RBPJ: variants seen among roughly 807,000 people sequenced by gnomAD.
RBPJ encodes the protein recombining binding protein suppressor of hairless.
A neutral mutation model predicts 67.8 loss-of-function variants in RBPJ; 9 were observed. The observed-to-expected ratio is 0.13, with a 90% CI of 0.08 to 0.23. RBPJ has a LOEUF of 0.23. Among genes scored for constraint, RBPJ ranks in the 10% least tolerant of loss-of-function variants. The pLI is 1.00. For synonymous variants in RBPJ, 198 were observed against 203.3 expected (o/e 0.97, Z 0.22); for missense variants, 305 against 595.6 (o/e 0.51, Z 5.08).
At chr4:26,348,693 A>AT (rs1726444848) in intron 1 of RBPJ, among the ~76,000 whole-genome samples, 1 of 151,808 alleles carries the variant, frequency 6.6e-6, no homozygotes, top group Non-Finnish European at 1.5e-5. Context: ...TTGTTTTTTG[A>AT]TTTTTGTTTT....
upstream of RBPJ, among the ~76,000 whole-genome samples, chr4:26,317,422 C>G (rs1722690469): frequency 6.6e-6 from 1 of 152,002 alleles, no homozygotes; most frequent in Non-Finnish European, 1.5e-5. Context: ...TGAGAGCCCA[C>G]AGAGTGAGAG....
rs184339906 is a variant in RBPJ, at chr4:26,382,036, T to C, written c.21-4317T>C. Among the ~76,000 whole-genome samples the C allele has an allele frequency of 4.3e-3, 656 of 152,278 alleles. 5 individuals carry two copies. The highest frequency in any genetic ancestry group is 0.015 in the African/African-American group (634 of 41,560). ...AAAAGGGCCCCTAGACACATAAGGA[T>C]TGATTTTTTTTCCCATTGTTAAATA... On this transcript the variant is annotated intron_variant, in intron 1 of 10. Transcript: ENST00000355476.
At chr4:26,320,263 T>C (rs1722876342), upstream of RBPJ, among the ~76,000 whole-genome samples, 1 of 152,190 alleles carries the variant, frequency 6.6e-6, no homozygotes, top group East Asian at 1.9e-4. Flanking sequence ...AGGTGGCCAT[T>C]AGGGGTGTCT....
At chr4:26,314,388 G>C (rs1384060140) in intron 1 of RBPJ, among the ~76,000 whole-genome samples, 1 of 152,164 alleles carries the variant, frequency 6.6e-6, no homozygotes, top group Non-Finnish European at 1.5e-5. Context: ...AGGATGAACA[G>C]GTAGTGACAA....
At chr4:26,217,271 G>A (rs1479253858) in intron 1 of RBPJ, among the ~76,000 whole-genome samples, 1 of 152,164 alleles carries the variant, frequency 6.6e-6, no homozygotes, top group East Asian at 1.9e-4. Context: ...CTGAAAGGCT[G>A]CAAGATGATT....
At chr4:26,233,819 G>A (rs1342139867) in intron 1 of RBPJ, among the ~76,000 whole-genome samples, 1 of 152,178 alleles carries the variant, frequency 6.6e-6, no homozygotes, top group Non-Finnish European at 1.5e-5. Flanking sequence ...AAAAATCAAA[G>A]AGGAACAAGT....
chr4:26,262,463 A>G (rs1334633149), intron 1 of RBPJ, among the ~76,000 whole-genome samples: 1 of 152,188 alleles, frequency 6.6e-6, no homozygotes, highest in Non-Finnish European at 1.5e-5. Flanking sequence ...TCAAAAATTC[A>G]AAATAGAGGT....
the RBPJ span, among the ~76,000 whole-genome samples, chr4:26,108,164 G>C: frequency 4.9e-4 from 74 of 152,262 alleles, 1 homozygote; most frequent in Admixed American, 3.6e-3. Context: ...AGTAGGAGGT[G>C]GTTTTGAAGA....
chr4:26,158,121 C>T, the RBPJ span, among the ~76,000 whole-genome samples: 1 of 152,188 alleles, frequency 6.6e-6, no homozygotes, highest in African/African-American at 2.4e-5. Flanking sequence ...TGGGTGGCTG[C>T]TTGGTTCATA....
chr4:26,320,772 G>C, upstream of RBPJ: 1 of 1,554,684 alleles, frequency 6.4e-7, no homozygotes, highest in Non-Finnish European at 8.7e-7. Flanking sequence ...CCACACGGAG[G>C]GCTCGCCCGC....
intron 1 of RBPJ, among the ~76,000 whole-genome samples, chr4:26,287,275 C>T (rs984183020): frequency 9.2e-5 from 14 of 151,972 alleles, no homozygotes; most frequent in African/African-American, 3.1e-4. Flanking sequence ...CACAGTGGTT[C>T]GTGCCTGTAA....
rs565102963 is a variant in RBPJ, at chr4:26,401,547, G to A, written c.60-4628G>A. 1.6e-4 allele frequency among the ~76,000 whole-genome samples: 24 copies of A among 152,158 alleles called. No individual in the cohort carries two copies. The South Asian group carries it at 1.7e-3, about 11-fold the overall frequency. On this transcript the variant is annotated intron_variant, in intron 2 of 10. Coordinates refer to ENST00000355476, the MANE Select transcript of RBPJ (RefSeq NM_015874.6). ...TGTAGAAAGCATTTGTGACTGCCTC[G>A]GATATTATCAAATACCAAGTTTGTG...
At chr4:26,371,699 AT>A (rs1729177020) in intron 1 of RBPJ, among the ~76,000 whole-genome samples, 1 of 152,230 alleles carries the variant, frequency 6.6e-6, no homozygotes, top group Non-Finnish European at 1.5e-5. Flanking sequence ...AAATTGGAAT[AT>A]TACAGTATTT....
intron 1 of RBPJ, among the ~76,000 whole-genome samples, chr4:26,355,423 G>A (rs1464076175): frequency 6.6e-6 from 1 of 151,176 alleles, no homozygotes; most frequent in Non-Finnish European, 1.5e-5. Flanking sequence ...GGCCAAGGTA[G>A]GATTGCATGT....
At chr4:26,318,051 C>T (rs1044664094), upstream of RBPJ, among the ~76,000 whole-genome samples, 1 of 152,106 alleles carries the variant, frequency 6.6e-6, no homozygotes, top group Non-Finnish European at 1.5e-5. Flanking sequence ...CAGACTTGCA[C>T]TGAGATATTG....
chr4:26,206,438 A>G (rs1388222466), intron 1 of RBPJ, among the ~76,000 whole-genome samples: 4 of 152,148 alleles, frequency 2.6e-5, no homozygotes, highest in Non-Finnish European at 4.4e-5. Flanking sequence ...CCGAGAGTTT[A>G]TGTGTAACTT....
the RBPJ span, among the ~76,000 whole-genome samples, chr4:26,109,103 CTTT>C: frequency 1.5e-5 from 2 of 130,040 alleles, no homozygotes; most frequent in Non-Finnish European, 3.2e-5. Context: ...TTGCCTTCCT[CTTT>C]TTTTTTTTTT....
At chr4:26,201,085 GT>G (rs963596826) in intron 1 of RBPJ, among the ~76,000 whole-genome samples, 69 of 152,242 alleles carry the variant, frequency 4.5e-4, no homozygotes, top group African/African-American at 1.6e-3. Context: ...TCTCTACTCT[GT>G]AATTTCCCAA....
chr4:26,419,218 G>A (rs1413640929), intron 4 of RBPJ, among the ~76,000 whole-genome samples: 2 of 152,052 alleles, frequency 1.3e-5, no homozygotes, highest in African/African-American at 2.4e-5. Flanking sequence ...GACTTAAGCA[G>A]TCTGTCCACC....
Sources: allele counts gnomAD v4.1 joint callset (sites outside exome capture counted in the v4.1 genomes callset), GRCh38; gene constraint gnomAD v4.1.1; transcripts MANE v1.5; gene names NCBI Gene and HGNC (gene_info 2026-07-23, HGNC 2026-07-21).